Variants in NEGR1 observed in about 807,000 individuals in gnomAD.
NEGR1 encodes the protein IgLON family member 4.
Under a neutral mutation model 40.9 loss-of-function variants are expected in NEGR1, and 10 were observed. The observed-to-expected ratio is 0.24, with a 90% CI of 0.15 to 0.42. The LOEUF (loss-of-function observed/expected upper bound fraction) is 0.42, where lower values mean the gene tolerates loss of function less well. Ranked by LOEUF, NEGR1 falls within the 10% of genes least tolerant of loss-of-function variation. NEGR1 has a pLI of 1.00. For missense variants in NEGR1, 352 were observed against 438.9 expected, an observed-to-expected ratio of 0.80 and a Z score of 1.77; for synonymous variants, 185 against 166.8, an observed-to-expected ratio of 1.11 and a Z score of -0.84.
At chr1:72,123,107 A>G (rs1649865951) in intron 1 of NEGR1, among the ~76,000 whole-genome samples, 1 of 151,976 alleles carries the variant, frequency 6.6e-6, no homozygotes, top group African/African-American at 2.4e-5. Context: ...AAGTTTCTTA[A>G]GCGAATAAGA....
At chr1:71,824,755 T>C (rs949029801) in intron 2 of NEGR1, among the ~76,000 whole-genome samples, 2 of 151,944 alleles carry the variant, frequency 1.3e-5, no homozygotes, top group African/African-American at 4.8e-5. Context: ...TTGTACTTCA[T>C]ACAAATGGAA....
At chr1:71,920,912 C>T (rs775344113) in intron 2 of NEGR1, among the ~76,000 whole-genome samples, 1 of 152,144 alleles carries the variant, frequency 6.6e-6, no homozygotes, top group Non-Finnish European at 1.5e-5. Context: ...TAATGAAAGA[C>T]TCCTATTTTC....
intron 1 of NEGR1, among the ~76,000 whole-genome samples, chr1:72,050,785 C>T (rs1220971004): frequency 2.0e-5 from 3 of 151,464 alleles, no homozygotes; most frequent in Non-Finnish European, 4.4e-5. Flanking sequence ...GCCATAAAGA[C>T]ATTGAGGCTC....
At chr1:71,967,663 C>T (rs1365208) in intron 1 of NEGR1, among the ~76,000 whole-genome samples, 15,966 of 152,140 alleles carry the variant, frequency 0.1, 969 homozygotes, top group Middle Eastern at 0.21. Flanking sequence ...GAAACACGTA[C>T]ACACAAATAA....
intron 6 of NEGR1, among the ~76,000 whole-genome samples, chr1:71,474,559 C>A (rs979064213): frequency 7.3e-6 from 1 of 137,736 alleles, no homozygotes; most frequent in East Asian, 2.3e-4. Context: ...CACACACACA[C>A]AATTAGCCAG....
At chr1:71,818,072 C>G (rs1020399596) in intron 2 of NEGR1, among the ~76,000 whole-genome samples, 1 of 151,954 alleles carries the variant, frequency 6.6e-6, no homozygotes, top group African/African-American at 2.4e-5. Context: ...AAGAGGGGAA[C>G]ACTTATACAC....
At chr1:72,193,703 C>T (rs1652902603) in intron 1 of NEGR1, among the ~76,000 whole-genome samples, 1 of 151,172 alleles carries the variant, frequency 6.6e-6, no homozygotes. Context: ...CTATTATTTT[C>T]TGTATACTTT....
chr1:71,773,401 T>C (rs191026514), intron 3 of NEGR1, among the ~76,000 whole-genome samples: 1 of 152,184 alleles, frequency 6.6e-6, no homozygotes, highest in Non-Finnish European at 1.5e-5. Flanking sequence ...TTAACTGCTG[T>C]TTTGGGACAC....
chr1:72,199,847 C>T (rs750325196), intron 1 of NEGR1, among the ~76,000 whole-genome samples: 19 of 151,706 alleles, frequency 1.3e-4, no homozygotes, highest in Non-Finnish European at 2.8e-4. Flanking sequence ...AAAAACAACC[C>T]CATTAAAAAA....
chr1:72,020,345 G>A (rs1035753454), intron 1 of NEGR1, among the ~76,000 whole-genome samples: 1 of 152,092 alleles, frequency 6.6e-6, no homozygotes, highest in African/African-American at 2.4e-5. Flanking sequence ...ACCCAGGAAA[G>A]GGGAAAGATC....
chr1:71,929,595 T>C (rs1645835428), intron 2 of NEGR1, among the ~76,000 whole-genome samples: 2 of 152,166 alleles, frequency 1.3e-5, no homozygotes, highest in South Asian at 4.1e-4. Context: ...CTCTGTAAAA[T>C]TTTTGTTAGT....
intron 2 of NEGR1, among the ~76,000 whole-genome samples, chr1:71,801,903 A>G (rs1169707484): frequency 6.6e-6 from 1 of 152,236 alleles, no homozygotes. Context: ...TTATTGTTTT[A>G]GAGAACATAT....
At position 71,928,323 on chromosome 1, in the gene NEGR1, C is replaced by T. The variant is rs980884538; in HGVS notation, c.409+6756G>A. Among the ~76,000 whole-genome samples the T allele has an allele frequency of 1.8e-3, 65 of 35,832 alleles. 2 individuals carry two copies. Among genetic ancestry groups the T allele is most frequent in the Non-Finnish European group, 1.8e-3 (34 of 18,720 alleles). The allele number at this position is 35,832 out of a possible 152,430, so 23.5% of individuals were successfully genotyped here. A position where few individuals can be genotyped will look rare whatever the true frequency, so the allele number is the denominator to read the frequency against. On this transcript the variant is annotated intron_variant, in intron 2 of 6. Transcript: ENST00000357731. Reference sequence around the variant, plus strand: ...GTATATATACACACATATGTATATACGTATATATGTATATATACACACATG... The same window carrying T: ...GTATATATACACACATATGTATATATGTATATATGTATATATACACACATG...
intron 2 of NEGR1, among the ~76,000 whole-genome samples, chr1:71,905,335 T>C (rs1233165494): frequency 1.3e-5 from 2 of 152,060 alleles, no homozygotes; most frequent in Admixed American, 6.6e-5. Flanking sequence ...TAAATGTGTT[T>C]TATTTGAATC....
chr1:72,112,259 T>C (rs1436675209), intron 1 of NEGR1, among the ~76,000 whole-genome samples: 5 of 138,280 alleles, frequency 3.6e-5, no homozygotes, highest in Non-Finnish European at 7.8e-5. Flanking sequence ...TTGTACACTT[T>C]TACGTTTAAA....
At position 72,275,061 on chromosome 1, in the gene NEGR1, G is replaced by T. The variant is rs562378746; in HGVS notation, c.176+7258C>A. 3 of 1,341,372 alleles carry T rather than the reference G, an allele frequency of 2.2e-6. No homozygotes were observed. The Admixed American group carries it at 5.0e-5, about 23-fold the overall frequency. 83.1% of individuals were successfully genotyped at this position (1,341,372 alleles called of 1,614,324 possible). A position where few individuals can be genotyped will look rare whatever the true frequency, so the allele number is the denominator to read the frequency against. On this transcript the variant is annotated intron_variant, in intron 1 of 6. Coordinates refer to ENST00000357731, the MANE Select transcript of NEGR1 (RefSeq NM_173808.3). ...TGGAGCTCTTGGAACCAACTGAGCAGAAATTTGTTAGCACCAGTGACCTCC... is the reference window on the plus strand; with the variant it reads ...TGGAGCTCTTGGAACCAACTGAGCATAAATTTGTTAGCACCAGTGACCTCC...
intron 6 of NEGR1, among the ~76,000 whole-genome samples, chr1:71,585,523 C>A (rs1334992): frequency 0.043 from 6,488 of 152,106 alleles, 331 homozygotes; most frequent in African/African-American, 0.11. Flanking sequence ...TGATCAATGA[C>A]AACACCAAAT....
intron 1 of NEGR1, among the ~76,000 whole-genome samples, chr1:71,961,593 G>T (rs1256877881): frequency 6.6e-6 from 1 of 152,026 alleles, no homozygotes; most frequent in Non-Finnish European, 1.5e-5. Flanking sequence ...ATGAGAATGG[G>T]TGTAAAATCA....
intron 1 of NEGR1, among the ~76,000 whole-genome samples, chr1:72,178,708 T>C (rs1652260816): frequency 6.6e-6 from 1 of 151,302 alleles, no homozygotes; most frequent in African/African-American, 2.4e-5. Flanking sequence ...TGTTTGTTTG[T>C]TTTGTTTTGT....
Sources: gnomAD v4.1 joint callset for allele counts (sites outside exome capture counted in the v4.1 genomes callset) on GRCh38, gnomAD v4.1.1 for gene constraint, MANE v1.5 for transcripts, NCBI Gene and HGNC (gene_info 2026-07-23, HGNC 2026-07-21) for gene names.